The following TAF15 variants were observed in gnomAD, a reference collection of about 807,000 sequenced individuals.
TAF15 encodes the protein TATA-binding protein-associated factor 2N.
In TAF15, 37 loss-of-function variants were observed where a neutral mutation model predicts 102.5. The observed-to-expected ratio is 0.36, with a 90% CI of 0.28 to 0.47. TAF15 has a LOEUF of 0.47. Among genes scored for constraint, TAF15 ranks in the 20% least tolerant of loss-of-function variants. The probability of loss-of-function intolerance (pLI) is 0.99; values close to 1 mark genes in which losing one functional copy is unlikely to be tolerated. For missense variants in TAF15, 652 were observed against 760.7 expected, an observed-to-expected ratio of 0.86 and a Z score of 1.68; for synonymous variants, 273 against 259.2, an observed-to-expected ratio of 1.05 and a Z score of -0.51.
At chr17:35,820,486 AC>A in intron 5 of TAF15, 49 bp downstream of exon 5, 1 of 1,544,100 alleles carries the variant, frequency 6.5e-7, no homozygotes, top group Non-Finnish European at 8.9e-7. Flanking sequence ...TGGAAATAAC[AC>A]TGATATTAAA....
At chr17:35,830,279 A>C (rs1484073312) in intron 7 of TAF15, 2 of 152,252 alleles carry the variant, frequency 1.3e-5, no homozygotes, top group African/African-American at 4.8e-5. Flanking sequence ...GCAAGACACC[A>C]TCTCAAAAAA....
At position 35,820,070 on chromosome 17, in the gene TAF15, T is replaced by A; in HGVS notation, c.94T>A (p.Ser32Thr). 1 of 1,614,102 alleles carries A rather than the reference T, an allele frequency of 6.2e-7. No individual in the cohort carries two copies. The highest frequency in any genetic ancestry group is 8.5e-7 in the Non-Finnish European group (1 of 1,179,952). Residue 32 changes from serine (S) to threonine (T), a missense_variant, in exon 3 of 16, where the codon TCA becomes ACA. Physicochemically the swap from Ser to Thr is moderately conservative, Grantham distance 58. This residue lies in a region of TAF15 where 243 missense variants were observed against 284.1 expected (regional missense o/e 0.86). Coordinates refer to ENST00000605844, the MANE Select transcript of TAF15 (RefSeq NM_139215.3). Reference protein sequence around the residue: ...NPGSQGYGQASQSYSGYGQTT... With the variant: ...NPGSQGYGQATQSYSGYGQTT... ...AGGCAGCCAAGGCTATGGACAAGCA[T>A]CACAAGTAGGTTGAAATATAAATTG...
intron 11 of TAF15, among the ~76,000 whole-genome samples, chr17:35,838,878 T>C (rs1199808850): frequency 6.6e-6 from 1 of 152,210 alleles, no homozygotes; most frequent in African/African-American, 2.4e-5. Flanking sequence ...CATGGATATA[T>C]TGCATAGTGG....
At chr17:35,825,140 A>G (rs1194682466) in intron 7 of TAF15, among the ~76,000 whole-genome samples, 3 of 152,222 alleles carry the variant, frequency 2.0e-5, no homozygotes, top group African/African-American at 7.2e-5. Flanking sequence ...CTGAGAAACA[A>G]CCAGTTGCCC....
At chr17:35,814,566 A>G (rs1461394203) in intron 1 of TAF15, among the ~76,000 whole-genome samples, 1 of 152,016 alleles carries the variant, frequency 6.6e-6, no homozygotes, top group Non-Finnish European at 1.5e-5. Flanking sequence ...TTGTGTGCCT[A>G]ATAATATATA....
chr17:35,832,030 A>G (rs1287044209), intron 7 of TAF15, among the ~76,000 whole-genome samples: 2 of 152,144 alleles, frequency 1.3e-5, no homozygotes, highest in Non-Finnish European at 2.9e-5. Context: ...GTGAGCCAAG[A>G]TTGCGCCACT....
At chr17:35,814,258 T>C (rs1028916675) in intron 1 of TAF15, among the ~76,000 whole-genome samples, 2 of 151,788 alleles carry the variant, frequency 1.3e-5, no homozygotes, top group African/African-American at 4.8e-5. Context: ...CTCCGCCTCC[T>C]GGGTTCACGC....
intron 11 of TAF15, among the ~76,000 whole-genome samples, chr17:35,839,505 C>T (rs2087517321): frequency 6.6e-6 from 1 of 151,408 alleles, no homozygotes; most frequent in Non-Finnish European, 1.5e-5. Flanking sequence ...CCTCAGCCTC[C>T]CCAGTAGCTG....
Position 35,842,398 on chromosome 17 carries a change from G to A in TAF15, c.945G>A (p.Val315=), listed in dbSNP as rs373562411. 9.3e-6 allele frequency: 15 copies of A among 1,614,086 alleles called. No homozygotes were observed. The highest frequency in any genetic ancestry group is 1.2e-5 in the Non-Finnish European group (14 of 1,179,984). ...AATTCCATGGCAACATCATTAAAGT[G>A]TCCTTTGCCACTAGAAGACCTGAAT... ...GKEFHGNIIK[V]SFATRRPEFM... Residue 315 remains valine (V), a synonymous_variant, in exon 12 of 16, where the codon GTG becomes GTA. Coordinates refer to ENST00000605844, the MANE Select transcript of TAF15 (RefSeq NM_139215.3).
intron 2 of TAF15, among the ~76,000 whole-genome samples, chr17:35,818,920 T>A (rs2087226132): frequency 6.6e-6 from 1 of 152,208 alleles, no homozygotes; most frequent in South Asian, 2.1e-4. Context: ...CACATTTTTT[T>A]AAAATACCAT....
At chr17:35,822,442 G>A (rs1035335327) in intron 5 of TAF15, among the ~76,000 whole-genome samples, 198 bp from the exon 6 acceptor site, 1 of 151,950 alleles carries the variant, frequency 6.6e-6, no homozygotes, top group African/African-American at 2.4e-5. Context: ...TCATAATGTG[G>A]CACCTCTTCA....
At chr17:35,844,003 A>G (rs896604921) in intron 12 of TAF15, 74 bp from the exon 13 acceptor site, 22 of 1,302,126 alleles carry the variant, frequency 1.7e-5, no homozygotes, top group Non-Finnish European at 2.5e-5. Flanking sequence ...ATCTACTCTT[A>G]TGTTATCTGA....
chr17:35,845,187 A>G, intron 15 of TAF15, 149 bp downstream of exon 15: 1 of 1,008,034 alleles, frequency 9.9e-7, no homozygotes, highest in South Asian at 1.6e-5. Flanking sequence ...CCTGCTTAGC[A>G]ATTTCTAAAA....
chr17:35,812,517 G>A (rs754832167), intron 1 of TAF15, among the ~76,000 whole-genome samples: 6 of 150,402 alleles, frequency 4.0e-5, no homozygotes, highest in South Asian at 2.1e-4. Flanking sequence ...CCTGGGAGGC[G>A]GAGGTTGTGG....
intron 6 of TAF15, 40 bp downstream of exon 6, chr17:35,822,873 C>T (rs775820165): frequency 1.9e-6 from 3 of 1,606,798 alleles, no homozygotes. Context: ...TTCCCCCTCT[C>T]AGAATTATTT....
At chr17:35,834,484 C>A in intron 8 of TAF15, 82 bp from the exon 9 acceptor site, 1 of 1,343,036 alleles carries the variant, frequency 7.4e-7, no homozygotes, top group Non-Finnish European at 1.1e-6. Context: ...ACTTTTCATG[C>A]CTTGGTTTAT....
chr17:35,834,942 C>T (rs1189608432), intron 9 of TAF15, among the ~76,000 whole-genome samples: 2 of 151,824 alleles, frequency 1.3e-5, no homozygotes, highest in East Asian at 3.9e-4. Flanking sequence ...GGCAGGGTTT[C>T]ACCATGCTGG....
At chr17:35,836,262 T>A in intron 10 of TAF15, 21 bp downstream of exon 10, 5 of 1,467,780 alleles carry the variant, frequency 3.4e-6, no homozygotes, top group Non-Finnish European at 4.8e-6. Flanking sequence ...ATATTATATG[T>A]TGAAAATCTC....
rs764463484 is a variant in TAF15, at chr17:35,844,627, G to C, written c.1328G>C (p.Gly443Ala). ...GGTGGCTACAGCGGAGATAGAAGTGGGGGCGGCTATGGTGGAGACAGAAGT... is the reference window on the plus strand; with the variant it reads ...GGTGGCTACAGCGGAGATAGAAGTGCGGGCGGCTATGGTGGAGACAGAAGT... ...SGGGYSGDRSGGGYGGDRSGG... is the reference protein window; with the variant it reads ...SGGGYSGDRSAGGYGGDRSGG... Residue 443 changes from glycine (G) to alanine (A), a missense_variant, in exon 15 of 16, where the codon GGG becomes GCG. Transcript: ENST00000605844. 6.2e-7 allele frequency: 1 copy of C among 1,605,008 alleles called. No individual in the cohort carries two copies. The highest frequency in any genetic ancestry group is 8.5e-7 in the Non-Finnish European group (1 of 1,174,788).
Sources: allele counts gnomAD v4.1 joint callset (sites outside exome capture counted in the v4.1 genomes callset), GRCh38; gene constraint gnomAD v4.1.1; regional missense constraint gnomAD v4.1.1; transcripts MANE v1.5; gene names NCBI Gene and HGNC (gene_info 2026-07-23, HGNC 2026-07-21).